Variants in AFF1 observed in about 807,000 individuals in gnomAD.
The protein encoded by AFF1 is AF4/FMR2 family member 1.
AFF1 carries 48 observed loss-of-function variants against 121.7 expected under a neutral mutation model. The ratio of observed to expected loss-of-function variants is 0.39; its 90% CI spans 0.31 to 0.50. The LOEUF (loss-of-function observed/expected upper bound fraction) is 0.50. AFF1 is among the 20% of genes least tolerant of loss of function. AFF1 has a pLI of 0.76. For missense variants in AFF1, 1,523 were observed against 1,511.7 expected, an observed-to-expected ratio of 1.01 and a Z score of -0.12; for synonymous variants, 613 against 563.0, an observed-to-expected ratio of 1.09 and a Z score of -1.26.
intron 2 of AFF1, among the ~76,000 whole-genome samples, chr4:87,017,538 T>C (rs1727426801): frequency 6.6e-6 from 1 of 152,186 alleles, no homozygotes; most frequent in African/African-American, 2.4e-5. Flanking sequence ...AAACTCCAAC[T>C]CCACAACTCA....
At chr4:86,942,734 C>T (rs145446680) in intron 1 of AFF1, among the ~76,000 whole-genome samples, 23 of 152,280 alleles carry the variant, frequency 1.5e-4, no homozygotes, top group African/African-American at 4.6e-4. Flanking sequence ...ACACCTTCCT[C>T]TTCTCCTCCT....
At chr4:87,088,183 T>C (rs1211008417) in intron 5 of AFF1, among the ~76,000 whole-genome samples, 1 of 152,070 alleles carries the variant, frequency 6.6e-6, no homozygotes, top group South Asian at 2.1e-4. Flanking sequence ...TCAATCTGGG[T>C]CTTTGGCTAT....
At chr4:86,958,021 C>T (rs1259552888) in intron 2 of AFF1, among the ~76,000 whole-genome samples, 1 of 151,992 alleles carries the variant, frequency 6.6e-6, no homozygotes, top group Admixed American at 6.6e-5. Context: ...ACCCGTCTCA[C>T]ACCTAATAAA....
intron 11 of AFF1, among the ~76,000 whole-genome samples, chr4:87,111,542 C>T (rs1025662003): frequency 1.1e-4 from 16 of 151,682 alleles, no homozygotes; most frequent in South Asian, 2.1e-4. Context: ...TTAGTAGAGA[C>T]GGGGTTTCAC....
intron 2 of AFF1, among the ~76,000 whole-genome samples, chr4:86,965,229 A>G (rs1250436632): frequency 6.6e-6 from 1 of 152,246 alleles, no homozygotes; most frequent in East Asian, 1.9e-4. Flanking sequence ...AATTATGTAA[A>G]CAGTGATTTA....
At chr4:87,029,912 C>T (rs1234916539) in intron 2 of AFF1, among the ~76,000 whole-genome samples, 1 of 152,100 alleles carries the variant, frequency 6.6e-6, no homozygotes, top group African/African-American at 2.4e-5. Context: ...ATGGAGGCTG[C>T]CTGCTTGGCA....
chr4:87,056,373 C>T (rs765407938), intron 4 of AFF1, among the ~76,000 whole-genome samples: 1 of 152,138 alleles, frequency 6.6e-6, no homozygotes, highest in African/African-American at 2.4e-5. Flanking sequence ...TATATTTCTT[C>T]GAGGTATTCT....
intron 2 of AFF1, among the ~76,000 whole-genome samples, chr4:87,042,376 A>G (rs1730248314): frequency 6.6e-6 from 1 of 152,224 alleles, no homozygotes; most frequent in African/African-American, 2.4e-5. Context: ...GAGGCAACCC[A>G]GAGCAGGGGC....
chr4:87,007,564 G>A, intron 2 of AFF1: 1 of 1,178,402 alleles, frequency 8.5e-7, no homozygotes, highest in Non-Finnish European at 1.2e-6. Flanking sequence ...CGAGGCTGTG[G>A]CTTGACTAAA....
chr4:86,995,269 TCCCCCTCCCCCTCTCCCTCC>T (rs1284526351), intron 2 of AFF1, among the ~76,000 whole-genome samples: 1 of 68,698 alleles, frequency 1.5e-5, no homozygotes. Flanking sequence ...TCTACCCCCT[TCCCCCTCCCCCTCTCCCTCC>T]CCCTCTCCCT....
intron 5 of AFF1, among the ~76,000 whole-genome samples, chr4:87,089,541 A>C (rs1270086387): frequency 6.6e-6 from 1 of 152,222 alleles, no homozygotes; most frequent in African/African-American, 2.4e-5. Context: ...CTTAAGTCAA[A>C]CAGGAAAGTT....
At chr4:86,962,499 C>G (rs759697243) in intron 2 of AFF1, among the ~76,000 whole-genome samples, 6 of 152,024 alleles carry the variant, frequency 3.9e-5, no homozygotes, top group Non-Finnish European at 5.9e-5. Flanking sequence ...GTTGACTTGC[C>G]TTTGATAATT....
In AFF1 at chr4:87,114,418, G is replaced by T; in HGVS notation, c.1585G>T (p.Val529Phe). The T allele has an allele frequency of 2.5e-6, 4 of 1,608,820 alleles. No individual in the cohort carries two copies. The highest frequency in any genetic ancestry group is 3.4e-6 in the Non-Finnish European group (4 of 1,178,764). ...GCAGCTGGACAACTGGCTGACCAAA[G>T]TCAGCCAGCCAGCTGCGCCACCAGA... The part of the protein sequence containing the change: ...KWQLDNWLTK[V>F]SQPAAPPEGP... Residue 529 changes from valine to phenylalanine, a missense_variant, in exon 12 of 21, where the codon GTC becomes TTC. Physicochemically the swap from Val to Phe is conservative, Grantham distance 50. Coordinates refer to ENST00000395146, the MANE Select transcript of AFF1 (RefSeq NM_001166693.3).
chr4:86,991,358 T>C (rs1361341048), intron 2 of AFF1, among the ~76,000 whole-genome samples: 1 of 151,224 alleles, frequency 6.6e-6, no homozygotes, highest in African/African-American at 2.4e-5. Flanking sequence ...GGCAGGAGAA[T>C]GGTGTGAACC....
intron 2 of AFF1, among the ~76,000 whole-genome samples, chr4:87,035,597 G>A (rs1432519162): frequency 5.3e-5 from 8 of 151,966 alleles, no homozygotes; most frequent in Admixed American, 3.3e-4. Context: ...CTTTAGTCCT[G>A]TAGGCACCAG....
intron 2 of AFF1, among the ~76,000 whole-genome samples, chr4:87,031,481 T>C (rs56201818): frequency 0.22 from 32,806 of 151,140 alleles, 3,788 homozygotes; most frequent in East Asian, 0.32. Flanking sequence ...CATTTGTGTA[T>C]CTCGCTAAAT....
At chr4:87,084,691 AC>A (rs1182608126) in intron 5 of AFF1, among the ~76,000 whole-genome samples, 2 of 152,214 alleles carry the variant, frequency 1.3e-5, no homozygotes, top group Non-Finnish European at 2.9e-5. Flanking sequence ...CAGAATAGTA[AC>A]AGAAGTAGTC....
intron 12 of AFF1, among the ~76,000 whole-genome samples, chr4:87,119,647 G>A (rs561045858): frequency 4.2e-4 from 64 of 152,220 alleles, no homozygotes; most frequent in Non-Finnish European, 8.1e-4. Flanking sequence ...AGCTCATAGA[G>A]ATAATTCCTC....
At chr4:87,073,238 C>T (rs1722277114) in intron 4 of AFF1, among the ~76,000 whole-genome samples, 1 of 137,830 alleles carries the variant, frequency 7.3e-6, no homozygotes, top group Admixed American at 7.9e-5. Flanking sequence ...TTTTTCTAGA[C>T]CCTAGTAATT....
Sources: allele counts gnomAD v4.1 joint callset (sites outside exome capture counted in the v4.1 genomes callset), GRCh38; gene constraint gnomAD v4.1.1; transcripts MANE v1.5; gene names NCBI Gene and HGNC (gene_info 2026-07-23, HGNC 2026-07-21).